Variants in PRSS23 observed in about 807,000 individuals in gnomAD.
The protein encoded by PRSS23 is serine protease 23, also known as protease, serine 23.
PRSS23 carries 25 observed loss-of-function variants against 34.7 expected under a neutral mutation model. The observed-to-expected ratio is 0.72, with a 90% CI of 0.53 to 1.01. PRSS23 has a LOEUF of 1.01. Ranked by LOEUF, PRSS23 falls within the 50% of genes least tolerant of loss-of-function variation. PRSS23 has a pLI of 0.00. For synonymous variants in PRSS23, 176 were observed against 186.6 expected, an observed-to-expected ratio of 0.94 and a Z score of 0.46; for missense variants, 445 against 475.6, an observed-to-expected ratio of 0.94 and a Z score of 0.60.
chr11:86,796,908 G>C (rs1289164528), upstream of PRSS23, among the ~76,000 whole-genome samples: 1 of 152,220 alleles, frequency 6.6e-6, no homozygotes, highest in Non-Finnish European at 1.5e-5. Flanking sequence ...GCACCTGCCA[G>C]AGTGGGAATT....
chr11:86,847,491 C>T (rs901995286), intron 2 of PRSS23, among the ~76,000 whole-genome samples: 1 of 152,134 alleles, frequency 6.6e-6, no homozygotes, highest in Non-Finnish European at 1.5e-5. Flanking sequence ...TCAGGAAAAG[C>T]GGCCATGAGC....
intron 2 of PRSS23, chr11:86,857,700 G>T (rs1244675386): frequency 3.2e-6 from 2 of 628,686 alleles, no homozygotes; most frequent in Non-Finnish European, 5.7e-6. Context: ...ATGCAAAAAG[G>T]ACAAAGAAAG....
intron 2 of PRSS23, among the ~76,000 whole-genome samples, chr11:86,926,818 AG>A (rs1949085039): frequency 6.6e-6 from 1 of 152,082 alleles, no homozygotes; most frequent in South Asian, 2.1e-4. Flanking sequence ...CTGGCTATTC[AG>A]GGTTGTCTAT....
chr11:86,798,759 C>T (rs890822912), upstream of PRSS23, among the ~76,000 whole-genome samples: 2 of 152,198 alleles, frequency 1.3e-5, no homozygotes, highest in Admixed American at 1.3e-4. Flanking sequence ...CAGTGGTGAT[C>T]ATAGCTCATT....
chr11:86,823,438 C>G (rs1001522231), exon 2 of PRSS23: 25 of 702,250 alleles, frequency 3.6e-5, no homozygotes, highest in Middle Eastern at 4.6e-4. Context: ...CTCATGCCCC[C>G]ACAACTGTGA....
intron 2 of PRSS23, among the ~76,000 whole-genome samples, chr11:86,863,270 T>C (rs542108294): frequency 1.3e-5 from 2 of 152,304 alleles, no homozygotes; most frequent in South Asian, 4.1e-4. Context: ...AGGAAGATAT[T>C]ACTCCTAATA....
chr11:86,830,431 C>A (rs1413817649), intron 2 of PRSS23, among the ~76,000 whole-genome samples: 6 of 152,146 alleles, frequency 3.9e-5, no homozygotes, highest in South Asian at 4.1e-4. Flanking sequence ...ACTCCCTGAC[C>A]CTTTGCGCTT....
intron 2 of PRSS23, among the ~76,000 whole-genome samples, chr11:86,885,744 T>C (rs1275942832): frequency 6.6e-6 from 1 of 152,236 alleles, no homozygotes; most frequent in Non-Finnish European, 1.5e-5. Context: ...AAAATCTCTC[T>C]TTCTCTCTCC....
At chr11:86,876,450 C>A (rs1054816026) in intron 2 of PRSS23, among the ~76,000 whole-genome samples, 3 of 152,196 alleles carry the variant, frequency 2.0e-5, no homozygotes, top group African/African-American at 7.2e-5. Flanking sequence ...ATAATAACCA[C>A]CTTGCCTACC....
chr11:86,872,351 G>C (rs989361504), intron 2 of PRSS23, among the ~76,000 whole-genome samples: 1 of 152,102 alleles, frequency 6.6e-6, no homozygotes, highest in Admixed American at 6.5e-5. Context: ...GTTCTTTAAA[G>C]TTCTTGAATA....
chr11:86,931,130 T>A (rs918172057), intron 2 of PRSS23, among the ~76,000 whole-genome samples: 4 of 152,218 alleles, frequency 2.6e-5, no homozygotes, highest in Non-Finnish European at 5.9e-5. Context: ...CAAGACTGGA[T>A]GTTGACAACT....
intron 1 of PRSS23, among the ~76,000 whole-genome samples, chr11:86,816,651 G>A (rs974969995): frequency 1.1e-4 from 16 of 152,166 alleles, no homozygotes; most frequent in Non-Finnish European, 2.2e-4. Context: ...GGCATTCTGG[G>A]ACATAAGGAC....
upstream of PRSS23, among the ~76,000 whole-genome samples, chr11:86,795,650 T>C (rs1287227924): frequency 6.6e-6 from 1 of 152,212 alleles, no homozygotes; most frequent in Non-Finnish European, 1.5e-5. Context: ...TTACCCAAGG[T>C]CACACAGCAC....
chr11:86,925,312 G>GTC (rs1949073894), intron 2 of PRSS23, among the ~76,000 whole-genome samples: 2 of 151,680 alleles, frequency 1.3e-5, no homozygotes, highest in Non-Finnish European at 2.9e-5. Flanking sequence ...GTGTGTGTGT[G>GTC]TGTGTGTGTG....
intron 2 of PRSS23, among the ~76,000 whole-genome samples, chr11:86,890,858 C>T (rs1246622539): frequency 2.0e-5 from 3 of 152,184 alleles, no homozygotes; most frequent in Non-Finnish European, 2.9e-5. Flanking sequence ...CTTAATAAAA[C>T]CCCTTATCTT....
At chr11:86,848,573 G>A (rs766588228) in intron 2 of PRSS23, among the ~76,000 whole-genome samples, 12 of 152,138 alleles carry the variant, frequency 7.9e-5, no homozygotes, top group Non-Finnish European at 1.2e-4. Context: ...GAAATGCTGC[G>A]GGAGGCTCTA....
Position 86,828,960 on chromosome 11 carries a change from A to T in PRSS23, c.206+5367A>T, listed in dbSNP as rs368379044. ...CTTCATTTCAACTTTGGTGAATCTG[A>T]CAATTATGTGTCTTGGAGTTGCTCT... On this transcript the variant is annotated intron_variant, in intron 2 of 2. Transcript: ENST00000533902. 1.4e-4 allele frequency among the ~76,000 whole-genome samples: 22 copies of T among 152,062 alleles called. No individual in the cohort carries two copies. In the South Asian group the frequency reaches 2.3e-3, roughly 16 times the overall value.
At chr11:86,793,062 G>A (rs1029111850) in intron 1 of PRSS23, among the ~76,000 whole-genome samples, 2 of 152,142 alleles carry the variant, frequency 1.3e-5, no homozygotes, top group Admixed American at 6.5e-5. Context: ...TCACCATGTT[G>A]CCCAGGCTAG....
chr11:86,799,760 T>C (rs1441340182), upstream of PRSS23, among the ~76,000 whole-genome samples: 1 of 148,540 alleles, frequency 6.7e-6, no homozygotes, highest in Non-Finnish European at 1.5e-5. Context: ...GTAGGCCCAC[T>C]GGACAAGGAG....
Sources: gnomAD v4.1 joint callset for allele counts (sites outside exome capture counted in the v4.1 genomes callset) on GRCh38, gnomAD v4.1.1 for gene constraint, MANE v1.5 for transcripts, NCBI Gene and HGNC (gene_info 2026-07-23, HGNC 2026-07-21) for gene names.